The following ATP6V1H variants were observed in gnomAD, a reference collection of about 807,000 sequenced individuals.
ATP6V1H encodes V-type proton ATPase subunit H.
ATP6V1H carries 39 observed loss-of-function variants against 71.7 expected under a neutral mutation model. The observed-to-expected ratio is 0.54, with a 90% CI of 0.42 to 0.71. The LOEUF is 0.71. Ranked by LOEUF, ATP6V1H falls within the 30% of genes least tolerant of loss-of-function variation. The pLI, the probability that ATP6V1H is intolerant of heterozygous loss-of-function variation, is 0.00. For synonymous variants in ATP6V1H, 192 were observed against 199.3 expected (o/e 0.96, Z 0.31); for missense variants, 509 against 594.9 (o/e 0.86, Z 1.50).
intron 11 of ATP6V1H, among the ~76,000 whole-genome samples, chr8:53,759,135 G>C (rs1191872433): frequency 3.3e-5 from 5 of 152,294 alleles, no homozygotes; most frequent in East Asian, 1.9e-4. Flanking sequence ...TAACATTTGA[G>C]AAGCACAGCC....
chr8:53,841,456 G>C, intron 2 of ATP6V1H, 122 bp downstream of exon 2: 1 of 1,161,208 alleles, frequency 8.6e-7, no homozygotes, highest in South Asian at 1.4e-5. Context: ...ATTCTGAAGA[G>C]GAAGTGTTTC....
intron 13 of ATP6V1H, among the ~76,000 whole-genome samples, chr8:53,742,559 A>AACTTATCAGGGTACAGATTTGTAC (rs1807450135): frequency 6.6e-6 from 1 of 152,198 alleles, no homozygotes; most frequent in African/African-American, 2.4e-5. Flanking sequence ...AACATCATTT[A>AACTTATCAGGGTACAGATTTGTAC]ACTTATCAGG....
intron 13 of ATP6V1H, among the ~76,000 whole-genome samples, chr8:53,727,468 C>A (rs563525361): frequency 6.4e-4 from 97 of 152,338 alleles, no homozygotes; most frequent in African/African-American, 2.2e-3. Context: ...TCAGCCCATT[C>A]CATGTTTTGT....
At chr8:53,720,142 A>C (rs1335836889) in intron 13 of ATP6V1H, among the ~76,000 whole-genome samples, 1 of 152,210 alleles carries the variant, frequency 6.6e-6, no homozygotes, top group Non-Finnish European at 1.5e-5. Context: ...TATACAAGCA[A>C]TCTATAGGAA....
At chr8:53,826,781 T>C (rs1221315639) in intron 4 of ATP6V1H, among the ~76,000 whole-genome samples, 1 of 150,660 alleles carries the variant, frequency 6.6e-6, no homozygotes, top group Non-Finnish European at 1.5e-5. Flanking sequence ...ACCCCGTCTC[T>C]ACTAAAAAAA....
chr8:53,833,649 G>T (rs899637910), intron 2 of ATP6V1H, among the ~76,000 whole-genome samples: 20 of 151,624 alleles, frequency 1.3e-4, no homozygotes, highest in African/African-American at 4.8e-4. Flanking sequence ...TCTTCCAGGG[G>T]TCGCTTCATC....
intron 7 of ATP6V1H, among the ~76,000 whole-genome samples, chr8:53,807,871 C>T (rs543276549): frequency 6.6e-6 from 1 of 152,284 alleles, no homozygotes; most frequent in East Asian, 1.9e-4. Flanking sequence ...TCACTCACAC[C>T]GGCAACACTT....
Position 53,772,238 on chromosome 8 carries a change from TTC to T in ATP6V1H, c.871-73_871-72del. 4 of 1,214,292 alleles carry T rather than the reference TTC, an allele frequency of 3.3e-6. 1 individual carries two copies. The South Asian group carries it at 5.9e-5, about 18-fold the overall frequency. The allele number at this position is 1,214,292 out of a possible 1,614,324, so 75.2% of individuals were successfully genotyped here. On this transcript the variant is annotated intron_variant, in intron 9 of 13. Transcript: ENST00000359530. ...TGATGGATTCAGAGACCTCTGCACATTCTTTTATAGTCTCTCTCCTCCTCCTA... is the reference window on the plus strand; with the variant it reads ...TGATGGATTCAGAGACCTCTGCACATTTTTATAGTCTCTCTCCTCCTCCTA...
chr8:53,728,291 C>T (rs58446058), intron 13 of ATP6V1H, among the ~76,000 whole-genome samples: 1,845 of 152,324 alleles, frequency 0.012, 22 homozygotes, highest in African/African-American at 0.029. Flanking sequence ...AAGAGCCACT[C>T]GGCATGGGTG....
intron 9 of ATP6V1H, among the ~76,000 whole-genome samples, chr8:53,784,233 G>C (rs1809283811): frequency 6.6e-6 from 1 of 152,114 alleles, no homozygotes; most frequent in African/African-American, 2.4e-5. Context: ...TCCTGTATTG[G>C]GTGCATATAT....
intron 9 of ATP6V1H, among the ~76,000 whole-genome samples, chr8:53,783,499 GATTC>G (rs1809247883): frequency 6.6e-6 from 1 of 152,072 alleles, no homozygotes; most frequent in Non-Finnish European, 1.5e-5. Context: ...CCAGCTCCTG[GATTC>G]ATTGATTTTT....
intron 13 of ATP6V1H, among the ~76,000 whole-genome samples, chr8:53,720,081 G>T (rs1228568007): frequency 6.6e-6 from 1 of 152,154 alleles, no homozygotes; most frequent in Non-Finnish European, 1.5e-5. Flanking sequence ...AATACATGAA[G>T]ATCAATACAA....
intron 9 of ATP6V1H, among the ~76,000 whole-genome samples, chr8:53,774,658 T>C (rs936866048): frequency 1.3e-5 from 2 of 151,656 alleles, no homozygotes; most frequent in Non-Finnish European, 2.9e-5. Flanking sequence ...AAAGATTACC[T>C]GAACGAACAA....
intron 8 of ATP6V1H, among the ~76,000 whole-genome samples, chr8:53,796,492 T>C (rs1239037850): frequency 6.7e-6 from 1 of 149,820 alleles, no homozygotes; most frequent in Non-Finnish European, 1.5e-5. Flanking sequence ...ATTCAAAGAA[T>C]AGAGTTCAGA....
At chr8:53,748,432 A>C (rs1008500307) in intron 12 of ATP6V1H, among the ~76,000 whole-genome samples, 4 of 152,190 alleles carry the variant, frequency 2.6e-5, no homozygotes, top group Non-Finnish European at 4.4e-5. Context: ...ATCTCATTAA[A>C]TCTATTTGAA....
rs1810395533 is a variant in ATP6V1H, at chr8:53,814,843, G to C, written c.421-77C>G. On this transcript the variant is annotated intron_variant, in intron 5 of 13. Coordinates refer to ENST00000359530, the MANE Select transcript of ATP6V1H (RefSeq NM_015941.4). ...ATCATATACCTTAAAAAAAGGATTT[G>C]TAACAATTTTGCTACACAATTTCTT... 9 of 988,974 alleles carry C rather than the reference G, an allele frequency of 9.1e-6. No homozygotes were observed. In the South Asian group the frequency reaches 1.5e-4, roughly 16 times the overall value. 61.3% of individuals were successfully genotyped at this position (988,974 alleles called of 1,614,324 possible).
chr8:53,828,130 A>G lies in ATP6V1H; in HGVS notation c.306+1314T>C, dbSNP rs186848171. On this transcript the variant is annotated intron_variant, in intron 4 of 13. Coordinates refer to ENST00000359530, the MANE Select transcript of ATP6V1H (RefSeq NM_015941.4). ...TATTCCTTTGAGTATCTACCCAACA[A>G]TGGGATTGCTGGGTCAAATGGTAGT... 4.6e-5 allele frequency among the ~76,000 whole-genome samples: 7 copies of G among 152,276 alleles called. No homozygotes were observed. In the East Asian group the frequency reaches 1.2e-3, roughly 25 times the overall value.
At position 53,826,871 on chromosome 8, in the gene ATP6V1H, G is replaced by A. The variant is rs555914599; in HGVS notation, c.306+2573C>T. 2.2e-3 allele frequency among the ~76,000 whole-genome samples: 332 copies of A among 151,918 alleles called. 2 individuals carry two copies. Among genetic ancestry groups the A allele is most frequent in the African/African-American group, 7.6e-3 (316 of 41,386 alleles). On this transcript the variant is annotated intron_variant, in intron 4 of 13. Coordinates refer to ENST00000359530, the MANE Select transcript of ATP6V1H (RefSeq NM_015941.4). ...GGAGGCAGAGGCAGGAGAATTGCTT[G>A]AACCCAGGAGGCAGAGGTTGCGGTG... is the stretch of plus-strand genomic sequence containing the variant.
At chr8:53,717,809 A>G (rs1455473172) in intron 13 of ATP6V1H, among the ~76,000 whole-genome samples, 12 of 152,216 alleles carry the variant, frequency 7.9e-5, no homozygotes, top group Non-Finnish European at 1.8e-4. Context: ...TGAGAAATCA[A>G]GCCTGAAGTT....
Sources: allele counts gnomAD v4.1 joint callset (sites outside exome capture counted in the v4.1 genomes callset), GRCh38; gene constraint gnomAD v4.1.1; transcripts MANE v1.5; gene names NCBI Gene and HGNC (gene_info 2026-07-23, HGNC 2026-07-21).